Variants in LIN7A observed in about 807,000 individuals in gnomAD.
LIN7A encodes the protein protein lin-7 homolog A.
A neutral mutation model predicts 29.8 loss-of-function variants in LIN7A; 25 were observed. That is an observed-to-expected ratio of 0.84 (90% confidence interval 0.61 to 1.17). LIN7A has a LOEUF of 1.17. Among genes scored for constraint, LIN7A ranks in the 50% most tolerant of loss-of-function variants. LIN7A has a pLI of 0.00. For synonymous variants in LIN7A, 118 were observed against 107.5 expected, an observed-to-expected ratio of 1.10 and a Z score of -0.60; for missense variants, 239 against 287.0, an observed-to-expected ratio of 0.83 and a Z score of 1.21.
intron 2 of LIN7A, among the ~76,000 whole-genome samples, chr12:80,876,530 C>T (rs1285725379): frequency 6.6e-6 from 1 of 152,070 alleles, no homozygotes; most frequent in Non-Finnish European, 1.5e-5. Context: ...AAAAAAACTA[C>T]TAATAAGACT....
At chr12:80,843,733 A>G (rs1592886855) in intron 4 of LIN7A, among the ~76,000 whole-genome samples, 1 of 152,052 alleles carries the variant, frequency 6.6e-6, no homozygotes, top group Admixed American at 6.5e-5. Flanking sequence ...CTTTTTTCAG[A>G]TAAGGGGATT....
At chr12:80,810,393 CTGTGTGTGTGTGTGTGTG>C (rs71094992) in intron 5 of LIN7A, among the ~76,000 whole-genome samples, 44 of 147,028 alleles carry the variant, frequency 3.0e-4, no homozygotes, top group East Asian at 6.0e-4. Context: ...TGGTATACAT[CTGTGTGTGTGTGTGTGTG>C]TGTGTGTGTG....
chr12:80,919,303 G>A (rs1389101819), intron 1 of LIN7A, among the ~76,000 whole-genome samples: 1 of 152,208 alleles, frequency 6.6e-6, no homozygotes, highest in Admixed American at 6.5e-5. Context: ...AACAGTAGTA[G>A]TAAAAGGGTG....
chr12:80,887,647 T>A (rs1181608546), intron 2 of LIN7A, among the ~76,000 whole-genome samples: 1 of 152,142 alleles, frequency 6.6e-6, no homozygotes, highest in East Asian at 1.9e-4. Flanking sequence ...AGCTTCAACA[T>A]GACCCCTCTA....
At chr12:80,838,939 A>G (rs1263375187) in intron 4 of LIN7A, among the ~76,000 whole-genome samples, 1 of 152,236 alleles carries the variant, frequency 6.6e-6, no homozygotes, top group Non-Finnish European at 1.5e-5. Flanking sequence ...GGAATGATGC[A>G]GATATGGAAC....
chr12:80,828,669 G>A (rs1480140906), intron 4 of LIN7A, among the ~76,000 whole-genome samples: 3 of 152,248 alleles, frequency 2.0e-5, no homozygotes, highest in Non-Finnish European at 2.9e-5. Flanking sequence ...ACACAGAAAG[G>A]TTAAGTAAGT....
chr12:80,801,741 A>G (rs1870730788), intron 5 of LIN7A, among the ~76,000 whole-genome samples: 1 of 152,146 alleles, frequency 6.6e-6, no homozygotes, highest in African/African-American at 2.4e-5. Flanking sequence ...ATTATTATTT[A>G]ACTCATCATT....
At chr12:80,847,430 T>C (rs1873129520) in intron 3 of LIN7A, among the ~76,000 whole-genome samples, 1 of 151,970 alleles carries the variant, frequency 6.6e-6, no homozygotes, top group Admixed American at 6.6e-5. Context: ...GAGTAAAAAC[T>C]AAAAAATCAA....
intron 2 of LIN7A, among the ~76,000 whole-genome samples, chr12:80,878,618 G>C (rs894762143): frequency 2.0e-5 from 3 of 152,176 alleles, no homozygotes; most frequent in South Asian, 4.1e-4. Context: ...ATCTGAGCGG[G>C]TTGCTGCTGT....
chr12:80,854,750 A>C (rs1873514077), intron 2 of LIN7A, among the ~76,000 whole-genome samples: 1 of 152,104 alleles, frequency 6.6e-6, no homozygotes, highest in Non-Finnish European at 1.5e-5. Context: ...TTACTGTCTA[A>C]ATTATACTTC....
chr12:80,934,373 G>T (rs1279277925), intron 1 of LIN7A, among the ~76,000 whole-genome samples: 1 of 152,060 alleles, frequency 6.6e-6, no homozygotes, highest in Non-Finnish European at 1.5e-5. Context: ...ACCTTTACAG[G>T]GTTGATCTCA....
At chr12:80,834,038 A>T (rs12312049) in intron 4 of LIN7A, among the ~76,000 whole-genome samples, 2,502 of 152,266 alleles carry the variant, frequency 0.016, 57 homozygotes, top group African/African-American at 0.057. Flanking sequence ...CCTTTTGCAA[A>T]ACCAAATCTA....
intron 1 of LIN7A, among the ~76,000 whole-genome samples, chr12:80,914,260 A>G (rs1346336130): frequency 6.6e-6 from 1 of 152,186 alleles, no homozygotes; most frequent in East Asian, 1.9e-4. Flanking sequence ...CATATTACAT[A>G]CCATTTGGAG....
At chr12:80,844,244 TA>T (rs1348030214) in intron 4 of LIN7A, among the ~76,000 whole-genome samples, 2 of 152,052 alleles carry the variant, frequency 1.3e-5, no homozygotes, top group African/African-American at 4.8e-5. Context: ...TAAAGGTCAA[TA>T]AAAAGCTTAT....
chr12:80,922,867 A>G (rs1447090178), intron 1 of LIN7A, among the ~76,000 whole-genome samples: 6 of 152,076 alleles, frequency 3.9e-5, no homozygotes, highest in African/African-American at 1.4e-4. Context: ...TGTATACACT[A>G]CCTGCCCATT....
chr12:80,926,882 C>T (rs887276269), intron 1 of LIN7A, among the ~76,000 whole-genome samples: 1 of 139,938 alleles, frequency 7.1e-6, no homozygotes, highest in Non-Finnish European at 1.5e-5. Context: ...AAGCCGAGAT[C>T]GCACCACAGC....
chr12:80,903,465 T>C (rs1427373113), intron 1 of LIN7A, among the ~76,000 whole-genome samples: 1 of 152,118 alleles, frequency 6.6e-6, no homozygotes, highest in African/African-American at 2.4e-5. Context: ...GTATTGACTT[T>C]GTTTCTTAGT....
At chr12:80,812,748 A>G (rs1018633287) in intron 4 of LIN7A, among the ~76,000 whole-genome samples, 1 of 151,478 alleles carries the variant, frequency 6.6e-6, no homozygotes, top group East Asian at 2.0e-4. Context: ...ATGGCGTTTC[A>G]CTATGTTGGC....
intron 2 of LIN7A, among the ~76,000 whole-genome samples, chr12:80,877,264 C>G (rs961700265): frequency 2.6e-5 from 4 of 151,998 alleles, no homozygotes; most frequent in Non-Finnish European, 5.9e-5. Flanking sequence ...TAGTGATAAC[C>G]TGGAAATAAC....
Sources: allele counts gnomAD v4.1 joint callset (sites outside exome capture counted in the v4.1 genomes callset), GRCh38; gene constraint gnomAD v4.1.1; transcripts MANE v1.5; gene names NCBI Gene and HGNC (gene_info 2026-07-23, HGNC 2026-07-21).